Variants in CCAR2 observed in about 807,000 individuals in gnomAD.
CCAR2 encodes the protein cell cycle and apoptosis regulator 2.
In CCAR2, 21 loss-of-function variants were observed where a neutral mutation model predicts 108.1. The observed-to-expected ratio is 0.19, with a 90% CI of 0.14 to 0.28. CCAR2 has a LOEUF of 0.28. Ranked by LOEUF, CCAR2 falls within the 10% of genes least tolerant of loss-of-function variation. The pLI, the probability that CCAR2 is intolerant of heterozygous loss-of-function variation, is 1.00. For missense variants in CCAR2, 1,126 were observed against 1,177.0 expected (o/e 0.96, Z 0.63); for synonymous variants, 577 against 472.8 (o/e 1.22, Z -2.86).
rs769666593 is a variant in CCAR2, at chr8:22,604,850, G to A, written c.-39+8G>A. On this transcript the variant is annotated splice_region_variant and intron_variant, in intron 1 of 20. Coordinates refer to ENST00000308511, the MANE Select transcript of CCAR2 (RefSeq NM_001393997.1). ...CGCTGCCCTGGCCCGCAGGTGGGTT[G>A]GGGGGCCCCCTGCCGCCCCTCTGCC... is the stretch of plus-strand genomic sequence containing the variant. The A allele has an allele frequency of 2.2e-6, 1 of 452,272 alleles. No homozygotes were observed. The highest frequency in any genetic ancestry group is 1.6e-5 in the South Asian group (1 of 64,276). The allele number at this position is 452,272 out of a possible 1,614,324, so 28.0% of individuals were successfully genotyped here.
downstream of CCAR2, chr8:22,620,477 A>C (rs202121621): frequency 7.1e-6 from 1 of 140,656 alleles, no homozygotes; most frequent in South Asian, 2.4e-4. Flanking sequence ...ACAAACTGAG[A>C]GTGTGTCCTC....
At chr8:22,617,229 G>A (rs1472335368) in intron 14 of CCAR2, among the ~76,000 whole-genome samples, 191 bp from the exon 15 acceptor site, 1 of 152,100 alleles carries the variant, frequency 6.6e-6, no homozygotes, top group African/African-American at 2.4e-5. Context: ...AAAAAGCCCA[G>A]GTGTCTGGCG....
In CCAR2 at chr8:22,618,516, C is replaced by G. The variant is rs148055644; in HGVS notation, c.2220+21C>G. On this transcript the variant is annotated intron_variant, in intron 17 of 20. Transcript: ENST00000308511. ...AGCAGGTACCTTCTTTCCTCTGCCCCAGCACATGGGCACAGGCCTGCACTT... is the reference window on the plus strand; with the variant it reads ...AGCAGGTACCTTCTTTCCTCTGCCCGAGCACATGGGCACAGGCCTGCACTT... 4.9e-4 allele frequency: 785 copies of G among 1,614,142 alleles called. 7 individuals carry two copies. The African/African-American group carries it at 9.2e-3, about 19-fold the overall frequency.
Position 22,614,826 on chromosome 8 carries a change from C to CTCT in CCAR2, c.1042-7_1042-5dup. 1 of 1,612,794 alleles carries CTCT rather than the reference C, an allele frequency of 6.2e-7. No individual in the cohort carries two copies. On this transcript the variant is annotated splice_polypyrimidine_tract_variant and intron_variant, in intron 10 of 20. Coordinates refer to ENST00000308511, the MANE Select transcript of CCAR2 (RefSeq NM_001393997.1). ...TAGTTTTTTGTTTTGTATCCCTGAT[C>CTCT]TCTTCTTGCAGTTTTTGCTGGGCAG...
In CCAR2 at chr8:22,614,443, C is replaced by T; in HGVS notation, c.981C>T (p.Leu327=). 6.2e-7 allele frequency: 1 copy of T among 1,614,178 alleles called. No homozygotes were observed. Among genetic ancestry groups the T allele is most frequent in the Admixed American group, 1.7e-5 (1 of 60,030 alleles). The change falls in exon 10 of 21, where the codon CTC becomes CTT. Residue 327 remains leucine, a synonymous_variant. Transcript: ENST00000308511. ...AGGAATTGTATCGTTGTTGCATGCT[C>T]TTTGTGGATGACATGGCTGAGCCAA... ...GLEELYRCCM[L]FVDDMAEPRE... is the part of the protein sequence containing the mutation.
chr8:22,618,351 C>A lies in CCAR2; in HGVS notation c.2076C>A (p.Pro692=). The change falls in exon 17 of 21, where the codon CCC becomes CCA. Residue 692 remains proline, a splice_region_variant and synonymous_variant. Coordinates refer to ENST00000308511, the MANE Select transcript of CCAR2 (RefSeq NM_001393997.1). ...GCTCATCTTTGTTTTCTTTGCAGCCCAAGGAGCTGGATCCCTCTGCTGTGC... is the reference window on the plus strand; with the variant it reads ...GCTCATCTTTGTTTTCTTTGCAGCCAAAGGAGCTGGATCCCTCTGCTGTGC... ...EMEFSSLQDM[P]KELDPSAVLP... 6.2e-7 allele frequency: 1 copy of A among 1,614,198 alleles called. No homozygotes were observed. Among genetic ancestry groups the A allele is most frequent in the Non-Finnish European group, 8.5e-7 (1 of 1,180,030 alleles).
rs1291891015 is a variant in CCAR2, at chr8:22,619,823, G to A, written c.*141G>A. On this transcript the variant is annotated 3_prime_UTR_variant, in exon 21 of 21. Transcript: ENST00000308511. The stretch of plus-strand genomic sequence containing the variant: ...CTGACCCCATGCTCAGCCTCTAGGG[G>A]ACGGCAGGCCATCAGGCTGGGGGCT... 3 of 849,334 alleles carry A rather than the reference G, an allele frequency of 3.5e-6. No homozygotes were observed. The highest frequency in any genetic ancestry group is 5.3e-5 in the East Asian group (2 of 37,464). 52.6% of individuals were successfully genotyped at this position (849,334 alleles called of 1,614,324 possible).
At chr8:22,609,388 G>A (rs1328774790) in intron 7 of CCAR2, among the ~76,000 whole-genome samples, 1 of 152,194 alleles carries the variant, frequency 6.6e-6, no homozygotes, top group Non-Finnish European at 1.5e-5. Context: ...CTGGGCTCAA[G>A]TCATCTTCCC....
intron 16 of CCAR2, 189 bp from the exon 17 acceptor site, chr8:22,618,160 A>G (rs763944223): frequency 2.9e-5 from 20 of 682,810 alleles, no homozygotes; most frequent in African/African-American, 3.6e-5. Flanking sequence ...GCATGAATAT[A>G]GTGCACTGCA....
At position 22,619,195 on chromosome 8, in the gene CCAR2, C is replaced by T. The variant is rs143546190; in HGVS notation, c.2567C>T (p.Thr856Met). 90 of 1,592,466 alleles carry T rather than the reference C, an allele frequency of 5.7e-5. No homozygotes were observed. Among genetic ancestry groups the T allele is most frequent in the African/African-American group, 4.5e-4 (34 of 74,864 alleles). ...TCAGCCACTGAAGTAACCAATAAGACGCTGGCGGCAGAGATGCAGGAGCTG... is the reference window on the plus strand; with the variant it reads ...TCAGCCACTGAAGTAACCAATAAGATGCTGGCGGCAGAGATGCAGGAGCTG... Reference protein sequence around the residue: ...RFSATEVTNKTLAAEMQELRV... With the variant: ...RFSATEVTNKMLAAEMQELRV... The change falls in exon 20 of 21, where the codon ACG (threonine) becomes ATG (methionine). Residue 856 changes from threonine to methionine, a missense_variant. Thr to Met is a moderately conservative substitution (Grantham distance 81, BLOSUM62 -1). Coordinates refer to ENST00000308511, the MANE Select transcript of CCAR2 (RefSeq NM_001393997.1).
At chr8:22,605,536 A>G in intron 1 of CCAR2, 200 bp from the exon 2 acceptor site, 2 of 565,956 alleles carry the variant, frequency 3.5e-6, no homozygotes, top group Non-Finnish European at 6.3e-6. Flanking sequence ...CCACTAGGTT[A>G]TTGTCAGGGC....
At chr8:22,618,305 A>AG (rs1801603991) in intron 16 of CCAR2, 44 bp from the exon 17 acceptor site, 2 of 1,613,296 alleles carry the variant, frequency 1.2e-6, no homozygotes, top group Non-Finnish European at 1.7e-6. Flanking sequence ...AGAGCCACTG[A>AG]GGGAACTATT....
At chr8:22,617,277 A>T in intron 14 of CCAR2, 143 bp from the exon 15 acceptor site, 1 of 946,542 alleles carries the variant, frequency 1.1e-6, no homozygotes, top group Non-Finnish European at 1.5e-6. Context: ...TAATGAAATT[A>T]AATACATGAA....
At position 22,606,530 on chromosome 8, in the gene CCAR2, G is replaced by C. The variant is rs140762285; in HGVS notation, c.151-77G>C. The C allele has an allele frequency of 2.6e-4, 307 of 1,188,912 alleles. 1 individual carries two copies. In the African/African-American group the frequency reaches 4.1e-3, roughly 16 times the overall value. 73.6% of individuals were successfully genotyped at this position (1,188,912 alleles called of 1,614,324 possible). A position where few individuals can be genotyped will look rare whatever the true frequency, so the allele number is the denominator to read the frequency against. On this transcript the variant is annotated intron_variant, in intron 3 of 20. Coordinates refer to ENST00000308511, the MANE Select transcript of CCAR2 (RefSeq NM_001393997.1). ...TACGCTGAGCTGGGGCGTGGGTTGA[G>C]ATGAGACCTTCATGGCAGAGTGTGA... is the stretch of plus-strand genomic sequence containing the variant.
At chr8:22,610,740 C>CA (rs1801241093) in intron 7 of CCAR2, among the ~76,000 whole-genome samples, 2 of 152,208 alleles carry the variant, frequency 1.3e-5, no homozygotes, top group Admixed American at 6.5e-5. Flanking sequence ...GGGGTGTGAA[C>CA]AGGGAAATGA....
intron 6 of CCAR2, 47 bp from the exon 7 acceptor site, chr8:22,607,922 G>T (rs751527317): frequency 6.5e-7 from 1 of 1,538,922 alleles, no homozygotes; most frequent in Non-Finnish European, 9.0e-7. Flanking sequence ...TATTGCACCC[G>T]GCCGGTTTTT....
rs778840164 is a variant in CCAR2 at position 22,615,815 on chromosome 8, C to A, written c.1511C>A (p.Pro504His). The stretch of plus-strand genomic sequence containing the variant: ...GATCTCCCAGAGGCCCCTCCACCCC[C>A]CCTAGAACCTGCTGTCATCGCACGC... Reference protein sequence around the residue: ...DTDLPEAPPPPLEPAVIARPG... With the variant: ...DTDLPEAPPPHLEPAVIARPG... The change falls in exon 13 of 21, where the codon CCC (proline) becomes CAC (histidine). Residue 504 changes from proline (P) to histidine (H), a missense_variant. Pro to His is a moderately conservative substitution (Grantham distance 77, BLOSUM62 -2). Transcript: ENST00000308511. The A allele has an allele frequency of 1.5e-5, 24 of 1,613,878 alleles. No individual in the cohort carries two copies. Among genetic ancestry groups the A allele is most frequent in the South Asian group, 2.2e-5 (2 of 91,084 alleles).
In CCAR2 at chr8:22,617,476, A is replaced by C. The variant is rs1801570882; in HGVS notation, c.1902A>C (p.Lys634Asn). Residue 634 changes from lysine to asparagine, a missense_variant, in exon 15 of 21, where the codon AAA becomes AAC. Transcript: ENST00000308511. ...CTTCTGGGGGAGAGGAAGAAGAAAA[A>C]CCCCGGGGCGAGGCTTCTGAGGACC... ...PLSSGGEEEE[K>N]PRGEASEDLC... The C allele has an allele frequency of 2.5e-6, 4 of 1,602,524 alleles. No homozygotes were observed.
At chr8:22,607,049 C>T in intron 5 of CCAR2, 25 bp downstream of exon 5, 9 of 1,611,848 alleles carry the variant, frequency 5.6e-6, no homozygotes, top group Non-Finnish European at 7.6e-6. Flanking sequence ...TTAGCATGTG[C>T]ATTGGAAAGG....
Sources: allele counts gnomAD v4.1 joint callset (sites outside exome capture counted in the v4.1 genomes callset), GRCh38; gene constraint gnomAD v4.1.1; transcripts MANE v1.5; gene names NCBI Gene and HGNC (gene_info 2026-07-23, HGNC 2026-07-21).